Variants in CERS6 observed in about 807,000 individuals in gnomAD.
The protein encoded by CERS6 is ceramide synthase 6.
In CERS6, 26 loss-of-function variants were observed where a neutral mutation model predicts 56.8. The ratio of observed to expected loss-of-function variants is 0.46; its 90% CI spans 0.34 to 0.63. CERS6 has a LOEUF of 0.63. CERS6 is among the 30% of genes least tolerant of loss of function. The probability of loss-of-function intolerance (pLI) is 0.01; values close to 1 mark genes in which losing one functional copy is unlikely to be tolerated. For synonymous variants in CERS6, 164 were observed against 173.3 expected (o/e 0.95, Z 0.42); for missense variants, 415 against 467.5 (o/e 0.89, Z 1.04).
intron 8 of CERS6, among the ~76,000 whole-genome samples, chr2:168,763,495 CAGGTGA>C (rs1684640011): frequency 6.6e-6 from 1 of 151,690 alleles, no homozygotes; most frequent in Non-Finnish European, 1.5e-5. Context: ...CTCCTGACCT[CAGGTGA>C]TCCACCCATC....
At chr2:168,536,815 A>G (rs1028092171) in intron 1 of CERS6, among the ~76,000 whole-genome samples, 5 of 152,188 alleles carry the variant, frequency 3.3e-5, no homozygotes, top group Non-Finnish European at 7.4e-5. Context: ...GTTATCTTTG[A>G]TAGCATTCCT....
intron 8 of CERS6, among the ~76,000 whole-genome samples, chr2:168,726,576 C>T (rs1234282766): frequency 6.6e-6 from 1 of 152,170 alleles, no homozygotes; most frequent in East Asian, 1.9e-4. Context: ...TTTTGAGTCA[C>T]ATTTCTCCTC....
intron 2 of CERS6, among the ~76,000 whole-genome samples, 195 bp downstream of exon 2, chr2:168,547,896 G>A (rs1176349428): frequency 1.3e-5 from 2 of 152,164 alleles, no homozygotes; most frequent in East Asian, 1.9e-4. Context: ...GGTAGTTTAC[G>A]CTCAAGTTGA....
In CERS6 at chr2:168,530,372, C is replaced by G. The variant is rs577358573; in HGVS notation, c.171-17224C>G. Among the ~76,000 whole-genome samples the G allele has an allele frequency of 3.3e-5, 5 of 152,310 alleles. No individual in the cohort carries two copies. The East Asian group carries it at 9.7e-4, about 29-fold the overall frequency. On this transcript the variant is annotated intron_variant, in intron 1 of 9. Coordinates refer to ENST00000305747, the MANE Select transcript of CERS6 (RefSeq NM_203463.3). ...AGACATTACAGATTCCCAAAAGATT[C>G]TTTGACAATTACTGTAATTTTACAA...
rs74576814 is a variant in CERS6, at chr2:168,667,662, T to C, written c.466-23372T>C. Among the ~76,000 whole-genome samples, 1,073 of 152,306 alleles carry C rather than the reference T, an allele frequency of 7.0e-3. 16 individuals carry two copies. The highest frequency in any genetic ancestry group is 0.025 in the African/African-American group (1,037 of 41,550). On this transcript the variant is annotated intron_variant, in intron 4 of 9. Coordinates refer to ENST00000305747, the MANE Select transcript of CERS6 (RefSeq NM_203463.3). ...CAGCCCTGACAACTCGGAGTCATCA[T>C]TGATTCCTTTCTGTGTTCCAGATAA... is the stretch of plus-strand genomic sequence containing the variant.
intron 1 of CERS6, among the ~76,000 whole-genome samples, chr2:168,530,388 A>G (rs1474851125): frequency 1.3e-5 from 2 of 152,252 alleles, no homozygotes; most frequent in East Asian, 1.9e-4. Context: ...CAATTACTGT[A>G]ATTTTACAAG....
At chr2:168,563,190 A>G (rs1411660015) in intron 3 of CERS6, among the ~76,000 whole-genome samples, 1 of 152,226 alleles carries the variant, frequency 6.6e-6, no homozygotes, top group Non-Finnish European at 1.5e-5. Context: ...AAGTTTCTAC[A>G]TGATGCTGGT....
chr2:168,514,846 G>T (rs974113415), intron 1 of CERS6, among the ~76,000 whole-genome samples: 1 of 152,152 alleles, frequency 6.6e-6, no homozygotes, highest in African/African-American at 2.4e-5. Flanking sequence ...AGATCATCCA[G>T]TACCTTATTT....
At chr2:168,707,374 A>G (rs1450124752) in intron 6 of CERS6, among the ~76,000 whole-genome samples, 10 of 152,200 alleles carry the variant, frequency 6.6e-5, no homozygotes, top group Admixed American at 6.5e-4. Flanking sequence ...TGAATTTTGG[A>G]GAAGGGAATA....
chr2:168,456,356 TCGGGG>T lies in CERS6; in HGVS notation c.-91_-87del. 1 of 996,634 alleles carries T rather than the reference TCGGGG, an allele frequency of 1.0e-6. No individual in the cohort carries two copies. The allele number at this position is 996,634 out of a possible 1,614,324, so 61.7% of individuals were successfully genotyped here. A position where few individuals can be genotyped will look rare whatever the true frequency, so the allele number is the denominator to read the frequency against. ...GAGCAGCGGCGGCGGCGGCACAGGCTCGGGGCCAGCCGGGCGCGCATCCCCGGGCG... is the reference window on the plus strand; with the variant it reads ...GAGCAGCGGCGGCGGCGGCACAGGCTCCAGCCGGGCGCGCATCCCCGGGCG... On this transcript the variant is annotated 5_prime_UTR_variant, in exon 1 of 10. Coordinates refer to ENST00000305747, the MANE Select transcript of CERS6 (RefSeq NM_203463.3). This position sits in a 1 kb window ranked among gnomAD's most constrained non-coding sequence, Gnocchi z 4.1.
At chr2:168,586,010 G>T (rs1683532957) in intron 3 of CERS6, among the ~76,000 whole-genome samples, 1 of 152,054 alleles carries the variant, frequency 6.6e-6, no homozygotes, top group African/African-American at 2.4e-5. Context: ...TTGAGACAGG[G>T]TCTTACTCTG....
intron 4 of CERS6, among the ~76,000 whole-genome samples, chr2:168,645,144 G>T (rs7579472): frequency 0.079 from 608 of 7,684 alleles, 12 homozygotes; most frequent in East Asian, 0.11. Flanking sequence ...TATATATATA[G>T]AGAGAGAGAG....
chr2:168,645,142 T>TATATATATATAG (rs753700977), intron 4 of CERS6, among the ~76,000 whole-genome samples: 2 of 12,746 alleles, frequency 1.6e-4, no homozygotes, highest in Non-Finnish European at 2.9e-4. Flanking sequence ...TATATATATA[T>TATATATATATAG]AGAGAGAGAG....
At chr2:168,675,256 G>T (rs920498591) in intron 4 of CERS6, among the ~76,000 whole-genome samples, 1 of 151,940 alleles carries the variant, frequency 6.6e-6, no homozygotes, top group African/African-American at 2.4e-5. Flanking sequence ...ACAGGCGTGA[G>T]CCACCGCGCC....
At chr2:168,741,194 C>T (rs567400227) in intron 8 of CERS6, among the ~76,000 whole-genome samples, 2 of 152,118 alleles carry the variant, frequency 1.3e-5, no homozygotes, top group East Asian at 3.9e-4. Context: ...TACTGAGCTG[C>T]AAAATTGGGG....
chr2:168,477,734 C>T (rs1005460685), intron 1 of CERS6, among the ~76,000 whole-genome samples: 4 of 152,094 alleles, frequency 2.6e-5, no homozygotes, highest in East Asian at 3.9e-4. Context: ...GGGGATTGTA[C>T]GTGTTTATAT....
At position 168,715,166 on chromosome 2, in the gene CERS6, C is replaced by T. The variant is rs375567826; in HGVS notation, c.738+37C>T. On this transcript the variant is annotated intron_variant, in intron 7 of 9. Coordinates refer to ENST00000305747, the MANE Select transcript of CERS6 (RefSeq NM_203463.3). ...CTTTCATCTTTAAGAATACAAAATC[C>T]AAAATTTAGGAAGTCCCCAATCTCA... The T allele has an allele frequency of 2.5e-6, 4 of 1,590,554 alleles. No individual in the cohort carries two copies. The African/African-American group carries it at 5.4e-5, about 22-fold the overall frequency.
At chr2:168,601,792 C>G (rs117365197) in intron 3 of CERS6, among the ~76,000 whole-genome samples, 1 of 152,050 alleles carries the variant, frequency 6.6e-6, no homozygotes, top group Non-Finnish European at 1.5e-5. Flanking sequence ...TCAGGTGATC[C>G]GCCCACCCCA....
intron 9 of CERS6, among the ~76,000 whole-genome samples, chr2:168,767,450 G>A (rs1248969870): frequency 6.6e-6 from 1 of 152,174 alleles, no homozygotes; most frequent in African/African-American, 2.4e-5. Context: ...CAACATAGTG[G>A]AACTTTACTA....
Sources: allele counts gnomAD v4.1 joint callset (sites outside exome capture counted in the v4.1 genomes callset), GRCh38; gene constraint gnomAD v4.1.1; non-coding constraint Gnocchi (gnomAD v3.1); transcripts MANE v1.5; gene names NCBI Gene and HGNC (gene_info 2026-07-23, HGNC 2026-07-21).